ROS1: variants seen among roughly 807,000 people sequenced by gnomAD.
The protein encoded by ROS1 is ROS proto-oncogene 1, receptor tyrosine kinase.
Under a neutral mutation model 273.5 loss-of-function variants are expected in ROS1, and 263 were observed. The ratio of observed to expected loss-of-function variants is 0.96; its 90% CI spans 0.87 to 1.06. The LOEUF is 1.06. Among genes scored for constraint, ROS1 ranks in the 50% least tolerant of loss-of-function variants. ROS1 has a pLI of 0.00. For missense variants in ROS1, 2,833 were observed against 2,751.1 expected, an observed-to-expected ratio of 1.03 and a Z score of -0.67; for synonymous variants, 1,008 against 954.1, an observed-to-expected ratio of 1.06 and a Z score of -1.04.
chr6:117,362,350 T>C (rs1229616165), intron 22 of ROS1, among the ~76,000 whole-genome samples: 1 of 152,084 alleles, frequency 6.6e-6, no homozygotes, highest in Non-Finnish European at 1.5e-5. Context: ...TCGTCTTTAA[T>C]GGAATAAAAA....
rs1778152698 is a variant in ROS1 at position 117,343,932 on chromosome 6, A to G, written c.4506+128T>C. 3 of 690,554 alleles carry G rather than the reference A, an allele frequency of 4.3e-6. No individual in the cohort carries two copies. The East Asian group carries it at 8.1e-5, about 19-fold the overall frequency. 42.8% of individuals were successfully genotyped at this position (690,554 alleles called of 1,614,324 possible). The stretch of plus-strand genomic sequence containing the variant: ...AGAACACAATATGTTTTGATGAATC[A>G]TTAGCTGTAAAAAAGTTGCGTACTA... On this transcript the variant is annotated intron_variant, in intron 28 of 43. Coordinates refer to ENST00000368507, the MANE Select transcript of ROS1 (RefSeq NM_001378902.1).
At chr6:117,403,037 T>C (rs1212598380) in intron 7 of ROS1, 102 bp downstream of exon 7, 2 of 1,335,414 alleles carry the variant, frequency 1.5e-6, no homozygotes, top group Admixed American at 1.7e-5. Context: ...AATGGATCGA[T>C]TAATAGGAAG....
intron 5 of ROS1, 92 bp from the exon 6 acceptor site, chr6:117,404,520 T>C (rs1005506783): frequency 9.2e-6 from 11 of 1,194,586 alleles, no homozygotes; most frequent in Non-Finnish European, 1.2e-5. Context: ...CTCCGTATTC[T>C]CTTGCTAAAA....
chr6:117,330,047 C>G (rs1329776661), intron 32 of ROS1, among the ~76,000 whole-genome samples: 1 of 152,158 alleles, frequency 6.6e-6, no homozygotes, highest in Non-Finnish European at 1.5e-5. Context: ...ACTGGGACTC[C>G]CAACTGCCTA....
At chr6:117,350,089 C>T (rs1458565223) in intron 27 of ROS1, among the ~76,000 whole-genome samples, 2 of 151,958 alleles carry the variant, frequency 1.3e-5, no homozygotes, top group Non-Finnish European at 2.9e-5. Context: ...AATGCTCTTC[C>T]TTTCTTTATG....
chr6:117,312,369 C>G (rs1311938219), intron 39 of ROS1, among the ~76,000 whole-genome samples: 1 of 152,096 alleles, frequency 6.6e-6, no homozygotes, highest in Non-Finnish European at 1.5e-5. Context: ...TAGGAATAAT[C>G]CTGATGTTCT....
intron 42 of ROS1, among the ~76,000 whole-genome samples, chr6:117,307,156 C>A (rs561160685): frequency 1.3e-5 from 2 of 152,224 alleles, no homozygotes; most frequent in South Asian, 4.2e-4. Flanking sequence ...CAAAGTTCAA[C>A]TTGTCTACCT....
chr6:117,401,605 T>C lies in ROS1; in HGVS notation c.604+1534A>G, dbSNP rs532935221. Reference sequence around the variant, plus strand: ...TCTTCCCATAACCCAGAAAATACTTTTACTTAATTACTTATCGGACTGTCT... The same window carrying C: ...TCTTCCCATAACCCAGAAAATACTTCTACTTAATTACTTATCGGACTGTCT... On this transcript the variant is annotated intron_variant, in intron 7 of 43. Transcript: ENST00000368507. Among the ~76,000 whole-genome samples, 6 of 152,306 alleles carry C rather than the reference T, an allele frequency of 3.9e-5. 1 individual carries two copies. In the South Asian group the frequency reaches 1.0e-3, roughly 26 times the overall value.
rs1363474910 is a variant in ROS1, at chr6:117,288,762, A to G, written c.6756T>C (p.Ile2252=). 2 of 1,611,170 alleles carry G rather than the reference A, an allele frequency of 1.2e-6. No individual in the cohort carries two copies. Among genetic ancestry groups the G allele is most frequent in the East Asian group, 2.2e-5 (1 of 44,876 alleles). Residue 2252 remains isoleucine (I), a synonymous_variant, in exon 44 of 44, where the codon ATT becomes ATC. Transcript: ENST00000368507. The stretch of plus-strand genomic sequence containing the variant: ...TCGTTTCCATTAAAGCAACTGGCAT[A>G]ATGTCATCTGAATTCAAACAAATCA... ...GDVICLNSDD[I]MPVALMETKN...
At position 117,321,304 on chromosome 6, in the gene ROS1, C is replaced by G. The variant is rs1195494731; in HGVS notation, c.5714G>C (p.Gly1905Ala). The G allele has an allele frequency of 3.1e-6, 5 of 1,613,828 alleles. No homozygotes were observed. The highest frequency in any genetic ancestry group is 4.2e-6 in the Non-Finnish European group (5 of 1,179,840). ...NEDKELAELRGLAAGVGLANA... is the reference protein window; with the variant it reads ...NEDKELAELRALAAGVGLANA... ...AGCCAGGCCTACTCCGGCTGCCAGA[C>G]CTCGCAGCTCAGCCAACTCTTTGTC... The change falls in exon 36 of 44, where the codon GGT becomes GCT. Residue 1905 changes from glycine to alanine, a missense_variant. Gly to Ala is a moderately conservative substitution (Grantham distance 60, BLOSUM62 0). Coordinates refer to ENST00000368507, the MANE Select transcript of ROS1 (RefSeq NM_001378902.1).
intron 12 of ROS1, among the ~76,000 whole-genome samples, chr6:117,390,616 T>C (rs1772989686): frequency 1.3e-5 from 2 of 152,228 alleles, no homozygotes; most frequent in African/African-American, 2.4e-5. Flanking sequence ...TTTTTAATTG[T>C]ACAGTTATCA....
At chr6:117,295,936 C>T (rs1441667387) in intron 43 of ROS1, among the ~76,000 whole-genome samples, 1 of 152,164 alleles carries the variant, frequency 6.6e-6, no homozygotes, top group Non-Finnish European at 1.5e-5. Flanking sequence ...TTGGAGGTTC[C>T]TCAAACAACT....
chr6:117,335,346 C>T (rs1461048745), intron 32 of ROS1, among the ~76,000 whole-genome samples: 1 of 152,144 alleles, frequency 6.6e-6, no homozygotes, highest in Non-Finnish European at 1.5e-5. Flanking sequence ...ACAATAGATG[C>T]TGATGAGGGT....
intron 22 of ROS1, 26 bp downstream of exon 22, chr6:117,362,577 C>T (rs1026195881): frequency 6.2e-7 from 1 of 1,603,000 alleles, no homozygotes; most frequent in South Asian, 1.1e-5. Context: ...TTAAGACTCT[C>T]ATATCTTCTG....
intron 27 of ROS1, among the ~76,000 whole-genome samples, chr6:117,352,141 C>T (rs62430835): frequency 2.6e-5 from 4 of 152,214 alleles, no homozygotes; most frequent in Non-Finnish European, 4.4e-5. Flanking sequence ...AGAGCAGTGG[C>T]GCAATCTGGG....
intron 4 of ROS1, 152 bp from the exon 5 acceptor site, chr6:117,409,794 G>T (rs1774754956): frequency 1.5e-6 from 1 of 648,458 alleles, no homozygotes; most frequent in East Asian, 2.8e-5. Context: ...TGCCTAATAC[G>T]CAAGTACATC....
chr6:117,309,374 C>A (rs559817554), intron 41 of ROS1, among the ~76,000 whole-genome samples: 99 of 152,268 alleles, frequency 6.5e-4, no homozygotes, highest in African/African-American at 2.3e-3. Flanking sequence ...CCTCCATTAT[C>A]TAAGAATTTC....
chr6:117,393,006 G>C (rs1253622092), intron 12 of ROS1, among the ~76,000 whole-genome samples: 1 of 152,132 alleles, frequency 6.6e-6, no homozygotes, highest in Non-Finnish European at 1.5e-5. Context: ...GTGAAGGAGA[G>C]AGAAATAACT....
rs554171393 is a variant in ROS1 at position 117,342,694 on chromosome 6, CA to C, written c.4507-151del. On this transcript the variant is annotated intron_variant, in intron 28 of 43. Transcript: ENST00000368507. ...GATTATTAATGGTAATACCACTGTC[CA>C]ATCTACCCAGACCTGAGTTGTTCAA... 7.3e-6 allele frequency: 4 copies of C among 550,280 alleles called. No homozygotes were observed. The African/African-American group carries it at 7.8e-5, about 11-fold the overall frequency. The allele number at this position is 550,280 out of a possible 1,614,324, so 34.1% of individuals were successfully genotyped here.
Sources: gnomAD v4.1 joint callset for allele counts (sites outside exome capture counted in the v4.1 genomes callset) on GRCh38, gnomAD v4.1.1 for gene constraint, MANE v1.5 for transcripts, NCBI Gene and HGNC (gene_info 2026-07-23, HGNC 2026-07-21) for gene names.